SAMTOR: variants seen among roughly 807,000 people sequenced by gnomAD.
The protein encoded by SAMTOR is UPF0532 protein C7orf60.
the SAMTOR span, among the ~76,000 whole-genome samples, chr7:112,865,700 T>A: frequency 1.5e-5 from 2 of 131,456 alleles, no homozygotes; most frequent in Non-Finnish European, 3.0e-5. Flanking sequence ...CATATATACA[T>A]ATATTCATAT....
chr7:112,937,458 G>C, the SAMTOR span, among the ~76,000 whole-genome samples: 4,632 of 151,904 alleles, frequency 0.03, 80 homozygotes, highest in African/African-American at 0.054. Context: ...TACAGACTGG[G>C]GACCATCAGC....
chr7:112,850,218 C>CA, the SAMTOR span, among the ~76,000 whole-genome samples: 48 of 145,714 alleles, frequency 3.3e-4, no homozygotes, highest in East Asian at 5.9e-4. Flanking sequence ...ACAACAACAA[C>CA]AAAAAAAACC....
chr7:112,876,686 T>C, the SAMTOR span, among the ~76,000 whole-genome samples: 3 of 152,282 alleles, frequency 2.0e-5, no homozygotes, highest in African/African-American at 7.2e-5. Context: ...GACCTCCTCT[T>C]AAAAATATAT....
chr7:112,918,115 A>C, the SAMTOR span, among the ~76,000 whole-genome samples: 23 of 152,296 alleles, frequency 1.5e-4, no homozygotes, highest in East Asian at 1.7e-3. Flanking sequence ...AGATACTCCT[A>C]AAGAAGAGCA....
the SAMTOR span, among the ~76,000 whole-genome samples, chr7:112,838,367 T>C: frequency 2.6e-5 from 4 of 152,048 alleles, no homozygotes; most frequent in Non-Finnish European, 4.4e-5. Context: ...GTCTTACTTT[T>C]TGAATGTTTC....
the SAMTOR span, among the ~76,000 whole-genome samples, chr7:112,916,842 T>C: frequency 6.6e-6 from 1 of 152,174 alleles, no homozygotes; most frequent in Non-Finnish European, 1.5e-5. Context: ...CGCTGATTGC[T>C]AGCACAGCAG....
At chr7:112,885,893 T>C in the SAMTOR span, among the ~76,000 whole-genome samples, 1 of 152,222 alleles carries the variant, frequency 6.6e-6, no homozygotes, top group Non-Finnish European at 1.5e-5. Flanking sequence ...ATTATCATAC[T>C]ACTAATAAAG....
chr7:112,911,574 A>C, the SAMTOR span, among the ~76,000 whole-genome samples: 1 of 152,168 alleles, frequency 6.6e-6, no homozygotes, highest in Non-Finnish European at 1.5e-5. Context: ...CCAAAAGAAA[A>C]AATAGCCAAA....
chr7:112,868,134 A>C, the SAMTOR span, among the ~76,000 whole-genome samples: 1 of 152,186 alleles, frequency 6.6e-6, no homozygotes, highest in Non-Finnish European at 1.5e-5. Context: ...CTGGTGCCAA[A>C]AGGGTTGGGG....
At chr7:112,874,846 C>A in the SAMTOR span, among the ~76,000 whole-genome samples, 1,331 of 152,230 alleles carry the variant, frequency 8.7e-3, 23 homozygotes, top group African/African-American at 0.03. Context: ...TATGTGCTGT[C>A]ATAACCACAT....
At chr7:112,932,215 G>A in the SAMTOR span, among the ~76,000 whole-genome samples, 74 of 151,956 alleles carry the variant, frequency 4.9e-4, no homozygotes, top group African/African-American at 1.7e-3. Flanking sequence ...ATGAGCCACC[G>A]TACCCAGCTC....
the SAMTOR span, among the ~76,000 whole-genome samples, chr7:112,839,755 T>C: frequency 1.3e-5 from 2 of 152,044 alleles, no homozygotes; most frequent in African/African-American, 4.8e-5. Context: ...ATTATATATA[T>C]GAAGTGTTAA....
At chr7:112,884,794 G>A in the SAMTOR span, among the ~76,000 whole-genome samples, 1 of 152,160 alleles carries the variant, frequency 6.6e-6, no homozygotes, top group Non-Finnish European at 1.5e-5. Context: ...GGAGGATGGT[G>A]GCTCTCTTCC....
At chr7:112,829,664 T>A in the SAMTOR span, among the ~76,000 whole-genome samples, 1 of 152,234 alleles carries the variant, frequency 6.6e-6, no homozygotes, top group Admixed American at 6.5e-5. Flanking sequence ...TTCTGGGATG[T>A]AGTTAAGAAA....
At chr7:112,845,563 G>A in the SAMTOR span, among the ~76,000 whole-genome samples, 1 of 152,050 alleles carries the variant, frequency 6.6e-6, no homozygotes, top group Non-Finnish European at 1.5e-5. Flanking sequence ...AGTCATAATG[G>A]TTATTATTAA....
chr7:112,918,473 C>G, the SAMTOR span, among the ~76,000 whole-genome samples: 1 of 152,146 alleles, frequency 6.6e-6, no homozygotes, highest in African/African-American at 2.4e-5. Flanking sequence ...GGAACAACCA[C>G]TACCAGCCAC....
At chr7:112,896,396 T>C in the SAMTOR span, among the ~76,000 whole-genome samples, 12 of 152,290 alleles carry the variant, frequency 7.9e-5, no homozygotes, top group East Asian at 1.9e-4. Flanking sequence ...AAGAGAAGAA[T>C]TGAAGAGCAA....
the SAMTOR span, among the ~76,000 whole-genome samples, chr7:112,925,572 T>C: frequency 6.6e-6 from 1 of 152,186 alleles, no homozygotes; most frequent in African/African-American, 2.4e-5. Flanking sequence ...GGCCGGCAGA[T>C]TACCTGAGGT....
At chr7:112,833,369 C>T in the SAMTOR span, among the ~76,000 whole-genome samples, 1 of 152,100 alleles carries the variant, frequency 6.6e-6, no homozygotes, top group Admixed American at 6.5e-5. Flanking sequence ...TGACTCTGAC[C>T]CTTAACATGT....
Sources: allele counts gnomAD v4.1 joint callset (sites outside exome capture counted in the v4.1 genomes callset), GRCh38; gene constraint gnomAD v4.1.1; transcripts MANE v1.5; gene names NCBI Gene and HGNC (gene_info 2026-07-23, HGNC 2026-07-21).